The following TMEM156 variants were observed in gnomAD, a reference collection of about 807,000 sequenced individuals.
TMEM156 encodes transmembrane protein 156.
Under a neutral mutation model 30.5 loss-of-function variants are expected in TMEM156, and 28 were observed. The ratio of observed to expected loss-of-function variants is 0.92; its 90% CI spans 0.68 to 1.26. The LOEUF is 1.26. Among genes scored for constraint, TMEM156 ranks in the 50% most tolerant of loss-of-function variants. The pLI is 0.00. For missense variants in TMEM156, 351 were observed against 340.6 expected, an observed-to-expected ratio of 1.03 and a Z score of -0.24; for synonymous variants, 137 against 119.9, an observed-to-expected ratio of 1.14 and a Z score of -0.93.
intron 1 of TMEM156, among the ~76,000 whole-genome samples, chr4:39,004,975 C>T (rs571730886): frequency 2.0e-5 from 3 of 152,104 alleles, no homozygotes; most frequent in African/African-American, 7.2e-5. Flanking sequence ...GAACTGGAAA[C>T]AATTCAAATG....
chr4:38,997,375 T>C (rs1713005374), intron 2 of TMEM156, among the ~76,000 whole-genome samples: 2 of 152,218 alleles, frequency 1.3e-5, no homozygotes, highest in South Asian at 4.1e-4. Flanking sequence ...CTCACAATTA[T>C]ACAAAATATA....
chr4:38,997,093 G>A (rs937710259), intron 2 of TMEM156, among the ~76,000 whole-genome samples: 2 of 152,220 alleles, frequency 1.3e-5, no homozygotes, highest in Non-Finnish European at 2.9e-5. Context: ...CTGGGACAAT[G>A]TGTCAATGTG....
intron 1 of TMEM156, among the ~76,000 whole-genome samples, chr4:39,003,474 A>G (rs1713521030): frequency 6.6e-6 from 1 of 152,090 alleles, no homozygotes; most frequent in African/African-American, 2.4e-5. Context: ...AGCTAGGATT[A>G]CAGGCATGCA....
At chr4:39,022,262 T>C (rs566850867) in intron 1 of TMEM156, among the ~76,000 whole-genome samples, 2 of 152,354 alleles carry the variant, frequency 1.3e-5, no homozygotes, top group South Asian at 4.1e-4. Flanking sequence ...TCTCCACCCA[T>C]AGCCAAAGTG....
intron 1 of TMEM156, among the ~76,000 whole-genome samples, chr4:39,028,763 A>C (rs1410033526): frequency 6.6e-6 from 1 of 152,234 alleles, no homozygotes; most frequent in Non-Finnish European, 1.5e-5. Context: ...ATCAAAATAT[A>C]TCCACCACTC....
intron 1 of TMEM156, among the ~76,000 whole-genome samples, chr4:39,026,883 C>T (rs111789854): frequency 1.8e-4 from 28 of 152,134 alleles, no homozygotes; most frequent in African/African-American, 5.8e-4. Context: ...GCCGAGATCA[C>T]GCCACTGCAC....
chr4:39,021,166 GC>G (rs1198304955), intron 1 of TMEM156, among the ~76,000 whole-genome samples: 1 of 152,160 alleles, frequency 6.6e-6, no homozygotes, highest in African/African-American at 2.4e-5. Context: ...ACTTTGGGAA[GC>G]CAAGACAGGA....
At chr4:39,021,412 T>A (rs563445224) in intron 1 of TMEM156, among the ~76,000 whole-genome samples, 1,993 of 146,126 alleles carry the variant, frequency 0.014, 47 homozygotes, top group African/African-American at 0.048. Context: ...AATAAATAAA[T>A]AAAAAGAAAA....
rs138037909 is a variant in TMEM156, at chr4:38,971,128, G to A, written c.833C>T (p.Thr278Met). ...GACTTGATCCAAAGGCAGCCTCTGC[G>A]TGGTCTCTGCTATTTAAGAAGGAGA... ...LNVQVLSAET[T>M]QRLPLDQVQE... is the part of the protein sequence containing the mutation. Residue 278 changes from threonine (T) to methionine (M), a missense_variant, in exon 6 of 7, where the codon ACG becomes ATG. Coordinates refer to ENST00000381938, the MANE Select transcript of TMEM156 (RefSeq NM_024943.3). 6.2e-5 allele frequency: 100 copies of A among 1,613,930 alleles called. No individual in the cohort carries two copies. Among genetic ancestry groups the A allele is most frequent in the Middle Eastern group, 3.3e-4 (2 of 6,060 alleles).
chr4:39,029,110 C>T (rs1415220220), intron 1 of TMEM156, among the ~76,000 whole-genome samples: 1 of 152,036 alleles, frequency 6.6e-6, no homozygotes, highest in Admixed American at 6.6e-5. Flanking sequence ...CTTCAGAGGG[C>T]TTATTATTTC....
intron 1 of TMEM156, among the ~76,000 whole-genome samples, chr4:39,010,807 A>T (rs1052807908): frequency 1.3e-5 from 2 of 152,220 alleles, no homozygotes; most frequent in African/African-American, 2.4e-5. Flanking sequence ...AACTATAAAA[A>T]TCCTAAAAGA....
intron 1 of TMEM156, among the ~76,000 whole-genome samples, chr4:39,031,599 C>T (rs574070197): frequency 6.6e-6 from 1 of 151,988 alleles, no homozygotes; most frequent in Non-Finnish European, 1.5e-5. Context: ...CTTAAAGCTG[C>T]TTTGGGCCAG....
intron 1 of TMEM156, among the ~76,000 whole-genome samples, chr4:39,024,043 G>T (rs1715044350): frequency 6.6e-6 from 1 of 151,878 alleles, no homozygotes; most frequent in African/African-American, 2.4e-5. Context: ...TTATTTATTT[G>T]TTTGTTTTTT....
At chr4:38,992,513 A>G (rs1297469333) in intron 3 of TMEM156, among the ~76,000 whole-genome samples, 1 of 150,744 alleles carries the variant, frequency 6.6e-6, no homozygotes. Flanking sequence ...TTAATCTCCT[A>G]TTTTTTCCTC....
chr4:39,019,530 G>A (rs1714722793), intron 1 of TMEM156, among the ~76,000 whole-genome samples: 1 of 151,892 alleles, frequency 6.6e-6, no homozygotes, highest in Non-Finnish European at 1.5e-5. Context: ...TTAGGCTGGG[G>A]GAATAAACGA....
Position 38,986,679 on chromosome 4 carries a change from A to G in TMEM156, c.740-260T>C, listed in dbSNP as rs183057669. 3.8e-3 allele frequency among the ~76,000 whole-genome samples: 581 copies of G among 151,524 alleles called. 3 individuals carry two copies. The highest frequency in any genetic ancestry group is 0.014 in the African/African-American group (560 of 41,312). On this transcript the variant is annotated intron_variant, in intron 4 of 6. Coordinates refer to ENST00000381938, the MANE Select transcript of TMEM156 (RefSeq NM_024943.3). ...AAAAATTAGCTGGGCGTGGTGGTGC[A>G]TGCCTGTAGTCCCAGCTACTCAGGA...
chr4:38,984,546 T>G (rs1054958521), intron 5 of TMEM156, among the ~76,000 whole-genome samples: 17 of 152,154 alleles, frequency 1.1e-4, no homozygotes, highest in Non-Finnish European at 1.9e-4. Flanking sequence ...CAGAGAACCA[T>G]GCTGACACAT....
chr4:39,015,834 T>G (rs1714444371), intron 1 of TMEM156, among the ~76,000 whole-genome samples: 1 of 152,054 alleles, frequency 6.6e-6, no homozygotes, highest in African/African-American at 2.4e-5. Context: ...TCTCATGAGA[T>G]CTGATGGTTT....
intron 5 of TMEM156, among the ~76,000 whole-genome samples, chr4:38,981,900 C>T (rs1711592603): frequency 2.0e-5 from 3 of 152,092 alleles, no homozygotes; most frequent in African/African-American, 7.2e-5. Flanking sequence ...ATGGCTGACC[C>T]GTAGTCAGTA....
Sources: allele counts gnomAD v4.1 joint callset (sites outside exome capture counted in the v4.1 genomes callset), GRCh38; gene constraint gnomAD v4.1.1; transcripts MANE v1.5; gene names NCBI Gene and HGNC (gene_info 2026-07-23, HGNC 2026-07-21).